Variants in FAM171B observed in about 807,000 individuals in gnomAD.
FAM171B encodes protein FAM171B.
A neutral mutation model predicts 75.6 loss-of-function variants in FAM171B; 19 were observed. The ratio of observed to expected loss-of-function variants is 0.25; its 90% confidence interval spans 0.18 to 0.37. The LOEUF (loss-of-function observed/expected upper bound fraction) is 0.37, where lower values mean the gene tolerates loss of function less well. Ranked by LOEUF, FAM171B falls within the 10% of genes least tolerant of loss-of-function variation. The pLI is 1.00. For missense variants in FAM171B, 848 were observed against 982.4 expected (o/e 0.86, Z 1.83); for synonymous variants, 367 against 361.7 (o/e 1.01, Z -0.17).
At chr2:186,727,185 C>G (rs1690046926) in intron 1 of FAM171B, among the ~76,000 whole-genome samples, 1 of 151,992 alleles carries the variant, frequency 6.6e-6, no homozygotes, top group African/African-American at 2.4e-5. Context: ...CTGACTTTTG[C>G]AGAGAGAAGA....
At chr2:186,707,284 G>A (rs1689744845) in intron 1 of FAM171B, among the ~76,000 whole-genome samples, 1 of 151,194 alleles carries the variant, frequency 6.6e-6, no homozygotes, top group Admixed American at 6.6e-5. Context: ...TGCTGTGCTT[G>A]CTACTAGCTC....
In FAM171B at chr2:186,694,246, C is replaced by G. The variant is rs752218703; in HGVS notation, c.73C>G (p.Leu25Val). 1 of 1,610,920 alleles carries G rather than the reference C, an allele frequency of 6.2e-7. No homozygotes were observed. Among genetic ancestry groups the G allele is most frequent in the East Asian group, 2.2e-5 (1 of 44,844 alleles). The change falls in exon 1 of 8, where the codon CTG becomes GTG. Residue 25 changes from leucine (L) to valine (V), a missense_variant. Physicochemically the swap from Leu to Val is conservative, Grantham distance 32. This residue lies in a region of FAM171B where 665 missense variants were observed against 729.0 expected (regional missense o/e 0.91). Coordinates refer to ENST00000304698, the MANE Select transcript of FAM171B (RefSeq NM_177454.4). ...GLAVVLLKARLVPAAARAELS... is the reference protein window; with the variant it reads ...GLAVVLLKARVVPAAARAELS... ...GGCCGTGGTGCTGCTGAAAGCGCGG[C>G]TGGTCCCCGCGGCCGCCAGAGCGGA... is the stretch of plus-strand genomic sequence containing the variant.
At chr2:186,713,347 G>T (rs1047165919) in intron 1 of FAM171B, among the ~76,000 whole-genome samples, 29 of 152,306 alleles carry the variant, frequency 1.9e-4, no homozygotes, top group African/African-American at 7.0e-4. Flanking sequence ...TTCCCCTTCT[G>T]GGGGGTGATC....
chr2:186,744,545 G>T (rs1441683313), intron 3 of FAM171B, among the ~76,000 whole-genome samples: 1 of 152,006 alleles, frequency 6.6e-6, no homozygotes, highest in East Asian at 1.9e-4. Context: ...TTTTATCTTT[G>T]AGACAGAGTT....
At chr2:186,740,193 A>T (rs1242385369) in intron 1 of FAM171B, 35 bp from the exon 2 acceptor site, 1 of 1,483,290 alleles carries the variant, frequency 6.7e-7, no homozygotes. Flanking sequence ...ATTCTAGGAT[A>T]CGACATGCTG....
At chr2:186,708,567 G>T (rs1288104885) in intron 1 of FAM171B, among the ~76,000 whole-genome samples, 2 of 152,126 alleles carry the variant, frequency 1.3e-5, no homozygotes, top group Admixed American at 6.5e-5. Context: ...AAAGTAATTT[G>T]GCCTGAGTTT....
At chr2:186,733,281 GTTC>G in intron 1 of FAM171B, among the ~76,000 whole-genome samples, 1 of 152,320 alleles carries the variant, frequency 6.6e-6, no homozygotes, top group African/African-American at 2.4e-5. Flanking sequence ...TGACCAATGG[GTTC>G]TTCTTGCCTA....
chr2:186,760,330 G>A (rs2105793176), intron 6 of FAM171B, among the ~76,000 whole-genome samples: 1 of 152,128 alleles, frequency 6.6e-6, no homozygotes, highest in African/African-American at 2.4e-5. Flanking sequence ...AATGCTTCAA[G>A]TTTTAGAATT....
intron 6 of FAM171B, among the ~76,000 whole-genome samples, chr2:186,756,831 C>G (rs1290706218): frequency 6.6e-6 from 1 of 152,100 alleles, no homozygotes; most frequent in East Asian, 1.9e-4. Context: ...GCACAATTCT[C>G]TCCTCAGGTT....
intron 6 of FAM171B, among the ~76,000 whole-genome samples, chr2:186,759,841 G>T (rs970808811): frequency 1.3e-5 from 2 of 151,880 alleles, no homozygotes; most frequent in Admixed American, 1.3e-4. Flanking sequence ...TGCTTGCAGG[G>T]TATTACTCAA....
intron 1 of FAM171B, among the ~76,000 whole-genome samples, chr2:186,713,268 A>T (rs1689833080): frequency 6.6e-6 from 1 of 152,220 alleles, no homozygotes; most frequent in African/African-American, 2.4e-5. Context: ...GACTCATTCT[A>T]GGGCTGCATG....
At chr2:186,696,920 G>A (rs1304102073) in intron 1 of FAM171B, among the ~76,000 whole-genome samples, 2 of 151,982 alleles carry the variant, frequency 1.3e-5, no homozygotes, top group Non-Finnish European at 2.9e-5. Context: ...CATGGACTTT[G>A]TTTTGTTCAC....
At chr2:186,747,842 T>C (rs1293544594) in intron 4 of FAM171B, among the ~76,000 whole-genome samples, 1 of 152,210 alleles carries the variant, frequency 6.6e-6, no homozygotes, top group East Asian at 1.9e-4. Context: ...AGTGGAACAA[T>C]GGAATTTTAC....
chr2:186,739,952 C>T (rs1196198828), intron 1 of FAM171B, among the ~76,000 whole-genome samples: 1 of 152,098 alleles, frequency 6.6e-6, no homozygotes, highest in African/African-American at 2.4e-5. Flanking sequence ...CGTCACTAGG[C>T]AATGGGAATT....
At chr2:186,707,395 G>A (rs368705574) in intron 1 of FAM171B, among the ~76,000 whole-genome samples, 4 of 152,118 alleles carry the variant, frequency 2.6e-5, no homozygotes, top group South Asian at 4.2e-4. Context: ...CCTCTGCTCT[G>A]GCTCAGGTTA....
chr2:186,753,925 C>A lies in FAM171B; in HGVS notation c.896-8C>A. Reference sequence around the variant, plus strand: ...ACTGTAACAAGTATTTTTTACATACCTTTTTAGGTGCTTGGGTAAATCATG... The same window carrying A: ...ACTGTAACAAGTATTTTTTACATACATTTTTAGGTGCTTGGGTAAATCATG... On this transcript the variant is annotated splice_region_variant and splice_polypyrimidine_tract_variant and intron_variant, in intron 5 of 7. Coordinates refer to ENST00000304698, the MANE Select transcript of FAM171B (RefSeq NM_177454.4). The A allele has an allele frequency of 1.9e-6, 3 of 1,609,648 alleles. No homozygotes were observed. The highest frequency in any genetic ancestry group is 1.1e-5 in the South Asian group (1 of 90,974).
At position 186,761,171 on chromosome 2, in the gene FAM171B, A is replaced by C; in HGVS notation, c.1071A>C (p.Thr357=). ...DITAYHTVFL[T]AILGGTIVIV... ...CTGCCTACCACACAGTGTTTCTTAC[A>C]GCCATATTAGGAGGAACAATAGTCA... Residue 357 remains threonine, a synonymous_variant, in exon 7 of 8, where the codon ACA becomes ACC. Coordinates refer to ENST00000304698, the MANE Select transcript of FAM171B (RefSeq NM_177454.4). 4 of 1,612,620 alleles carry C rather than the reference A, an allele frequency of 2.5e-6. No individual in the cohort carries two copies. The highest frequency in any genetic ancestry group is 2.5e-6 in the Non-Finnish European group (3 of 1,179,164).
intron 3 of FAM171B, among the ~76,000 whole-genome samples, chr2:186,745,636 A>G (rs1046764855): frequency 6.6e-5 from 10 of 152,346 alleles, no homozygotes; most frequent in Admixed American, 5.2e-4. Context: ...GAACTTCCAT[A>G]ACATGTTTCA....
At chr2:186,704,791 C>T (rs946031552) in intron 1 of FAM171B, among the ~76,000 whole-genome samples, 12 of 152,106 alleles carry the variant, frequency 7.9e-5, no homozygotes, top group Non-Finnish European at 7.3e-5. Context: ...GTCTATGCAT[C>T]GATAAAGCTT....
Sources: gnomAD v4.1 joint callset for allele counts (sites outside exome capture counted in the v4.1 genomes callset) on GRCh38, gnomAD v4.1.1 for gene constraint, gnomAD v4.1.1 regional missense constraint, MANE v1.5 for transcripts, NCBI Gene and HGNC (gene_info 2026-07-23, HGNC 2026-07-21) for gene names.